The following SGCD variants were observed in gnomAD, a reference collection of about 807,000 sequenced individuals.
SGCD encodes sarcoglycan delta.
SGCD carries 18 observed loss-of-function variants against 36.6 expected under a neutral mutation model. That is an observed-to-expected ratio of 0.49 (90% CI 0.34 to 0.73). SGCD has a LOEUF of 0.73. Among genes scored for constraint, SGCD ranks in the 30% least tolerant of loss-of-function variants. The probability of loss-of-function intolerance (pLI) is 0.01; values close to 1 mark genes in which losing one functional copy is unlikely to be tolerated. For synonymous variants in SGCD, 133 were observed against 130.6 expected, an observed-to-expected ratio of 1.02 and a Z score of -0.12; for missense variants, 387 against 346.7, an observed-to-expected ratio of 1.12 and a Z score of -0.92.
intron 1 of SGCD, among the ~76,000 whole-genome samples, chr5:156,079,106 A>C (rs1760879346): frequency 6.6e-6 from 1 of 152,036 alleles, no homozygotes; most frequent in Non-Finnish European, 1.5e-5. Flanking sequence ...GGTGGAAGGC[A>C]AAGGGGGAGG....
intron 3 of SGCD, among the ~76,000 whole-genome samples, chr5:156,153,809 A>C (rs1024129514): frequency 3.3e-5 from 5 of 151,578 alleles, no homozygotes; most frequent in African/African-American, 7.3e-5. Flanking sequence ...AAAACCAGTG[A>C]AATGAATTCA....
intron 3 of SGCD, among the ~76,000 whole-genome samples, chr5:156,470,673 C>CT (rs948464686): frequency 2.6e-4 from 39 of 152,136 alleles, no homozygotes; most frequent in African/African-American, 7.9e-4. Context: ...CTCAAAAAGA[C>CT]TTTTTTTGCT....
chr5:156,106,918 A>G (rs1192536919), intron 1 of SGCD, among the ~76,000 whole-genome samples: 1 of 152,078 alleles, frequency 6.6e-6, no homozygotes, highest in Non-Finnish European at 1.5e-5. Flanking sequence ...TAAATTCTTT[A>G]CCCTGGAAAG....
chr5:156,091,147 A>G (rs1305368382), intron 1 of SGCD, among the ~76,000 whole-genome samples: 1 of 152,240 alleles, frequency 6.6e-6, no homozygotes, highest in Non-Finnish European at 1.5e-5. Context: ...TTATAAGAGT[A>G]TTGATTGGTG....
At chr5:155,835,002 A>ATTTTTTTT in the SGCD span, among the ~76,000 whole-genome samples, 57 of 60,176 alleles carry the variant, frequency 9.5e-4, 3 homozygotes, top group African/African-American at 2.3e-3. Context: ...TGCCCAGCTA[A>ATTTTTTTT]TTTTTTTTTT....
chr5:155,953,757 C>T (rs1403916562), intron 1 of SGCD, among the ~76,000 whole-genome samples: 3 of 152,200 alleles, frequency 2.0e-5, no homozygotes, highest in African/African-American at 2.4e-5. Flanking sequence ...TCCTTCCCTC[C>T]GACCTAGGCA....
chr5:155,774,177 A>G, the SGCD span, among the ~76,000 whole-genome samples: 3 of 152,108 alleles, frequency 2.0e-5, no homozygotes, highest in East Asian at 1.9e-4. Flanking sequence ...ATCTTGGGTC[A>G]CTTCAGGATA....
At chr5:155,990,587 A>G (rs1027818963) in intron 1 of SGCD, among the ~76,000 whole-genome samples, 2 of 152,132 alleles carry the variant, frequency 1.3e-5, no homozygotes, top group Non-Finnish European at 2.9e-5. Context: ...GTTGGCTTCT[A>G]TCCTTTTCTA....
chr5:156,480,912 C>T (rs1236980665), intron 3 of SGCD, among the ~76,000 whole-genome samples: 1 of 152,126 alleles, frequency 6.6e-6, no homozygotes, highest in African/African-American at 2.4e-5. Context: ...TAAAAGGTCA[C>T]AATATATCTG....
intron 3 of SGCD, among the ~76,000 whole-genome samples, chr5:156,233,410 T>C (rs900783335): frequency 6.6e-6 from 1 of 152,248 alleles, no homozygotes; most frequent in Non-Finnish European, 1.5e-5. Flanking sequence ...GCCACTTACT[T>C]TGACTAAATC....
intron 1 of SGCD, among the ~76,000 whole-genome samples, chr5:156,014,934 T>C (rs1178112931): frequency 6.6e-6 from 1 of 152,180 alleles, no homozygotes; most frequent in Non-Finnish European, 1.5e-5. Context: ...TAAGCGATGC[T>C]ATGTTCTTTC....
chr5:156,695,511 GGATAGATAGATAGATAGATAGATAGATA>G (rs56315334), intron 7 of SGCD, among the ~76,000 whole-genome samples: 28 of 140,048 alleles, frequency 2.0e-4, no homozygotes, highest in East Asian at 4.3e-4. Context: ...ATAGATAGAT[GGATAGATAGATAGATAGATAGATAGATA>G]GATAGATAGA....
At chr5:156,360,076 C>CG (rs1032496469) in intron 3 of SGCD, among the ~76,000 whole-genome samples, 3 of 152,094 alleles carry the variant, frequency 2.0e-5, no homozygotes, top group Non-Finnish European at 4.4e-5. Flanking sequence ...CAGACAGGGG[C>CG]GGGTCCCCAC....
At chr5:156,446,821 A>C (rs1753773266) in intron 3 of SGCD, among the ~76,000 whole-genome samples, 1 of 152,228 alleles carries the variant, frequency 6.6e-6, no homozygotes, top group African/African-American at 2.4e-5. Context: ...ACTAGAGCTC[A>C]GCTATAAAAT....
chr5:156,127,709 T>C (rs569305939), intron 3 of SGCD, among the ~76,000 whole-genome samples: 2 of 151,920 alleles, frequency 1.3e-5, no homozygotes, highest in Admixed American at 6.6e-5. Context: ...AGCACCACAT[T>C]ACTTCAAAAG....
At chr5:155,844,316 T>C in the SGCD span, among the ~76,000 whole-genome samples, 11 of 152,170 alleles carry the variant, frequency 7.2e-5, no homozygotes, top group Non-Finnish European at 1.5e-5. Context: ...TCCCTCTTCA[T>C]TGTAAATTTT....
rs1768956597 is a variant in SGCD, at chr5:156,346,642, A to G, written c.192+1965A>G. Among the ~76,000 whole-genome samples, 4 of 152,172 alleles carry G rather than the reference A, an allele frequency of 2.6e-5. No homozygotes were observed. In the South Asian group the frequency reaches 6.2e-4, roughly 24 times the overall value. On this transcript the variant is annotated intron_variant, in intron 3 of 8. Transcript: ENST00000337851. ...GAAAAATGCAGAAAATCTATATTGC[A>G]GTAGTAACTTTGGAAGATTATATGG...
intron 7 of SGCD, among the ~76,000 whole-genome samples, chr5:156,750,401 G>T (rs2113140103): frequency 6.6e-6 from 1 of 152,158 alleles, no homozygotes; most frequent in East Asian, 1.9e-4. Flanking sequence ...TATAAGAAAT[G>T]ACAGTCGCGC....
intron 3 of SGCD, among the ~76,000 whole-genome samples, chr5:156,237,922 A>G (rs1765207939): frequency 6.6e-6 from 1 of 152,106 alleles, no homozygotes; most frequent in Non-Finnish European, 1.5e-5. Flanking sequence ...TCCCAAGGCT[A>G]GAAGGAAAAA....
Sources: gnomAD v4.1 joint callset for allele counts (sites outside exome capture counted in the v4.1 genomes callset) on GRCh38, gnomAD v4.1.1 for gene constraint, MANE v1.5 for transcripts, NCBI Gene and HGNC (gene_info 2026-07-23, HGNC 2026-07-21) for gene names.